Variants in GOLGB1 observed in about 807,000 individuals in gnomAD.
GOLGB1 encodes golgin subfamily B member 1.
In GOLGB1, 174 loss-of-function variants were observed where a neutral mutation model predicts 336.9. The ratio of observed to expected loss-of-function variants is 0.52; its 90% confidence interval spans 0.46 to 0.59. GOLGB1 has a LOEUF of 0.59. GOLGB1 is among the 20% of genes least tolerant of loss of function. The pLI is 0.00. For synonymous variants in GOLGB1, 1,208 were observed against 1,289.2 expected (o/e 0.94, Z 1.35); for missense variants, 3,331 against 3,645.3 (o/e 0.91, Z 2.22).
chr3:121,697,716 A>G lies in GOLGB1; in HGVS notation c.2807T>C (p.Leu936Pro). ...GGATAATAAATTTAGCTGTTCTTTA[A>G]GAGTCTTAATTTCAACCCCAAGAGA... ...KFSLGVEIKT[L>P]KEQLNLLSRA... The change falls in exon 13 of 22, where the codon CTT (leucine) becomes CCT (proline). Residue 936 changes from leucine to proline, a missense_variant. Transcript: ENST00000614479. The G allele has an allele frequency of 6.2e-7, 1 of 1,613,904 alleles. No homozygotes were observed. Among genetic ancestry groups the G allele is most frequent in the Non-Finnish European group, 8.5e-7 (1 of 1,179,976 alleles).
chr3:121,718,401 T>G lies in GOLGB1; in HGVS notation c.872A>C (p.Glu291Ala), dbSNP rs1944932561. 1 of 1,607,306 alleles carries G rather than the reference T, an allele frequency of 6.2e-7. No individual in the cohort carries two copies. The highest frequency in any genetic ancestry group is 8.5e-7 in the Non-Finnish European group (1 of 1,173,956). ...AAAAGGCAGTACCTGGTTTCTCTGCTCAGCAGCAGTCAGCTCCTGTTGCAG... is the reference window on the plus strand; with the variant it reads ...AAAAGGCAGTACCTGGTTTCTCTGCGCAGCAGCAGTCAGCTCCTGTTGCAG... ...DLLQQELTAA[E>A]QRNQILSQQL... Residue 291 changes from glutamate to alanine, a missense_variant, in exon 8 of 22, where the codon GAG (glutamate) becomes GCG (alanine). Coordinates refer to ENST00000614479, the MANE Select transcript of GOLGB1 (RefSeq NM_001366282.2).
chr3:121,711,508 G>A (rs557907167), intron 10 of GOLGB1, among the ~76,000 whole-genome samples: 1 of 152,206 alleles, frequency 6.6e-6, no homozygotes, highest in South Asian at 2.1e-4. Context: ...ATTAAACAGT[G>A]TACTGGAGGC....
intron 16 of GOLGB1, 103 bp from the exon 17 acceptor site, chr3:121,677,133 T>C: frequency 2.1e-6 from 3 of 1,406,726 alleles, no homozygotes; most frequent in Non-Finnish European, 3.0e-6. Context: ...ATAAGGTGGC[T>C]TATGGGCACT....
At chr3:121,710,588 C>T (rs1253078632) in intron 10 of GOLGB1, among the ~76,000 whole-genome samples, 1 of 152,016 alleles carries the variant, frequency 6.6e-6, no homozygotes, top group Non-Finnish European at 1.5e-5. Flanking sequence ...CCTATAATTC[C>T]AGCATTTTGG....
rs1942798450 is a variant in GOLGB1 at position 121,694,891 on chromosome 3, A to G, written c.5632T>C (p.Leu1878=). ...SQTLENEKNT[L]LSQISTKDGE... ...TCCTTTGTTGATATCTGACTCAGTA[A>G]GGTATTTTTCTCATTTTCTAAAGTC... Residue 1878 remains leucine (L), a synonymous_variant, in exon 13 of 22, where the codon TTA becomes CTA. Coordinates refer to ENST00000614479, the MANE Select transcript of GOLGB1 (RefSeq NM_001366282.2). The G allele has an allele frequency of 6.2e-7, 1 of 1,613,682 alleles. No individual in the cohort carries two copies. The highest frequency in any genetic ancestry group is 8.5e-7 in the Non-Finnish European group (1 of 1,179,616).
intron 1 of GOLGB1, among the ~76,000 whole-genome samples, chr3:121,742,586 A>G (rs1372637845): frequency 6.6e-6 from 1 of 152,252 alleles, no homozygotes; most frequent in Non-Finnish European, 1.5e-5. Context: ...AAACACCAAA[A>G]GCAATGGCAA....
At chr3:121,712,458 C>T (rs1007838082) in intron 10 of GOLGB1, among the ~76,000 whole-genome samples, 7 of 151,772 alleles carry the variant, frequency 4.6e-5, no homozygotes, top group Non-Finnish European at 8.8e-5. Context: ...AATAATTAAG[C>T]TCATCAAAAT....
rs1944637483 is a variant in GOLGB1 at position 121,714,924 on chromosome 3, G to A, written c.1341C>T (p.Pro447=). 1 of 1,613,194 alleles carries A rather than the reference G, an allele frequency of 6.2e-7. No individual in the cohort carries two copies. Residue 447 remains proline, a synonymous_variant, in exon 10 of 22, where the codon CCC becomes CCT. Transcript: ENST00000614479. ...GAGATGCTGTTTCATGTTGTTGCAA[G>A]GGCAGTCTATTTAGAAATTGGCTAA... is the stretch of plus-strand genomic sequence containing the variant. The part of the protein sequence containing the change: ...KEISQFLNRL[P]LQQHETASQT...
intron 10 of GOLGB1, among the ~76,000 whole-genome samples, chr3:121,709,082 AAAG>A (rs1944128861): frequency 6.6e-6 from 1 of 152,350 alleles, no homozygotes; most frequent in South Asian, 2.1e-4. Flanking sequence ...AAATGTAAAT[AAAG>A]AAGTATTACT....
chr3:121,674,877 G>T (rs571584398), intron 17 of GOLGB1, among the ~76,000 whole-genome samples: 4 of 134,816 alleles, frequency 3.0e-5, no homozygotes, highest in Non-Finnish European at 6.2e-5. Flanking sequence ...CGCCCAGGCC[G>T]GACTGCGGAC....
intron 1 of GOLGB1, among the ~76,000 whole-genome samples, chr3:121,742,716 C>T (rs1014669778): frequency 3.3e-5 from 5 of 151,992 alleles, no homozygotes; most frequent in Non-Finnish European, 7.4e-5. Flanking sequence ...TGCAAACTAC[C>T]CATCTGACAA....
chr3:121,725,880 C>T (rs925627312), intron 5 of GOLGB1, among the ~76,000 whole-genome samples: 28 of 152,078 alleles, frequency 1.8e-4, no homozygotes, highest in East Asian at 5.8e-4. Context: ...TGATGACTTG[C>T]GCTGCCTTGC....
rs535447486 is a variant in GOLGB1, at chr3:121,718,924, A to C, written c.772-423T>G. Among the ~76,000 whole-genome samples the C allele has an allele frequency of 6.6e-5, 10 of 152,336 alleles. No individual in the cohort carries two copies. The South Asian group carries it at 1.9e-3, about 28-fold the overall frequency. ...ATGCACTGGGCAGGCACTTGAAAAA[A>C]AATTGTTGAATAAATAAAGCAATGA... On this transcript the variant is annotated intron_variant, in intron 7 of 21. Coordinates refer to ENST00000614479, the MANE Select transcript of GOLGB1 (RefSeq NM_001366282.2).
intron 1 of GOLGB1, among the ~76,000 whole-genome samples, chr3:121,743,046 A>G (rs1347434605): frequency 6.6e-6 from 1 of 152,230 alleles, no homozygotes; most frequent in Non-Finnish European, 1.5e-5. Flanking sequence ...ACCATTGTGG[A>G]AGACAGTGTG....
intron 5 of GOLGB1, among the ~76,000 whole-genome samples, chr3:121,725,310 T>C (rs969531508): frequency 6.6e-6 from 1 of 152,214 alleles, no homozygotes; most frequent in Admixed American, 6.5e-5. Context: ...GCCTGAGGTC[T>C]TGGGGACCCA....
intron 5 of GOLGB1, among the ~76,000 whole-genome samples, chr3:121,724,713 GGGAAAAAGCCCTAAA>G (rs1468053355): frequency 1.3e-5 from 2 of 152,140 alleles, no homozygotes; most frequent in Non-Finnish European, 1.5e-5. Flanking sequence ...TTAAGACAAT[GGGAAAAAGCCCTAAA>G]GGCATTTCAG....
chr3:121,737,832 G>A (rs1194478382), intron 1 of GOLGB1, among the ~76,000 whole-genome samples: 1 of 152,000 alleles, frequency 6.6e-6, no homozygotes, highest in African/African-American at 2.4e-5. Context: ...AGATTGTCTT[G>A]GGTAATCTAA....
chr3:121,677,399 G>A lies in GOLGB1; in HGVS notation c.8925C>T (p.Tyr2975=). 4 of 1,606,362 alleles carry A rather than the reference G, an allele frequency of 2.5e-6. No individual in the cohort carries two copies. Among genetic ancestry groups the A allele is most frequent in the Non-Finnish European group, 3.4e-6 (4 of 1,173,014 alleles). The change falls in exon 16 of 22, where the codon TAC becomes TAT. Residue 2975 remains tyrosine, a synonymous_variant. Coordinates refer to ENST00000614479, the MANE Select transcript of GOLGB1 (RefSeq NM_001366282.2). ...GATCTTTATCTGAGATAGCCATAAG[G>A]TACTGTTCCTTCATTCTCCTCTCAT... is the stretch of plus-strand genomic sequence containing the variant. ...EIHERRMKEQ[Y]LMAISDKDQQ...
chr3:121,729,567 T>C (rs1283835164), intron 3 of GOLGB1, among the ~76,000 whole-genome samples: 9 of 152,006 alleles, frequency 5.9e-5, no homozygotes, highest in Non-Finnish European at 1.3e-4. Context: ...CCCAATACCA[T>C]GCCCAGCTAA....
Sources: gnomAD v4.1 joint callset for allele counts (sites outside exome capture counted in the v4.1 genomes callset) on GRCh38, gnomAD v4.1.1 for gene constraint, MANE v1.5 for transcripts, NCBI Gene and HGNC (gene_info 2026-07-23, HGNC 2026-07-21) for gene names.